Variants in CP observed in about 807,000 individuals in gnomAD.
CP encodes caeruloplasmin.
Under a neutral mutation model 122.4 loss-of-function variants are expected in CP, and 64 were observed. The observed-to-expected ratio is 0.52, with a 90% CI of 0.43 to 0.64. The LOEUF is 0.64. CP is among the 30% of genes least tolerant of loss of function. The pLI is 0.00. For missense variants in CP, 1,167 were observed against 1,284.4 expected, an observed-to-expected ratio of 0.91 and a Z score of 1.40; for synonymous variants, 440 against 436.4, an observed-to-expected ratio of 1.01 and a Z score of -0.10.
chr3:149,213,419 A>G (rs2108304091), intron 1 of CP, among the ~76,000 whole-genome samples: 1 of 152,346 alleles, frequency 6.6e-6, no homozygotes, highest in Admixed American at 6.5e-5. Flanking sequence ...GTAAATAGCA[A>G]TCTGGAAAAG....
intron 4 of CP, chr3:149,167,087 G>C (rs1308893916): frequency 6.2e-7 from 1 of 1,613,894 alleles, no homozygotes; most frequent in Non-Finnish European, 8.5e-7. Context: ...CGTTCTTGGA[G>C]CCACTTTCAG....
chr3:149,165,530 G>A (rs777530481), intron 5 of CP, among the ~76,000 whole-genome samples: 17 of 151,846 alleles, frequency 1.1e-4, no homozygotes, highest in Non-Finnish European at 1.5e-5. Context: ...CCAGATTGGA[G>A]TGCAGTGGCA....
At position 149,216,954 on chromosome 3, in the gene CP, G is replaced by A. The variant is rs578011306; in HGVS notation, c.147-4256C>T. Among the ~76,000 whole-genome samples, 123 of 140,686 alleles carry A rather than the reference G, an allele frequency of 8.7e-4. 1 individual carries two copies. The South Asian group carries it at 9.1e-3, about 10-fold the overall frequency. The allele number at this position is 140,686 out of a possible 152,430, so 92.3% of individuals were successfully genotyped here. A position where few individuals can be genotyped will look rare whatever the true frequency, so the allele number is the denominator to read the frequency against. The stretch of plus-strand genomic sequence containing the variant: ...CTTGCTCTGTCGCCCAGGCTATAAT[G>A]TAACGGCGTGATCTCGGCTCACTGC... On this transcript the variant is annotated intron_variant, in intron 1 of 18. Transcript: ENST00000264613.
At chr3:149,175,088 A>G (rs969582094) in intron 18 of CP, among the ~76,000 whole-genome samples, 3 of 152,108 alleles carry the variant, frequency 2.0e-5, no homozygotes, top group Non-Finnish European at 4.4e-5. Flanking sequence ...TGCACACATG[A>G]ATTCCCCAAA....
rs1235497636 is a variant in CP, at chr3:149,185,381, C to T, written c.2143G>A (p.Val715Met). Reference protein sequence around the residue: ...YTGGMKQKYTVNQCRRQSEDS... With the variant: ...YTGGMKQKYTMNQCRRQSEDS... ...TCAGACTGCCGCCTGCATTGGTTCA[C>T]AGTATATTTTTGCTTCATGCCGCCT... Residue 715 changes from valine to methionine, a missense_variant, in exon 12 of 19, where the codon GTG becomes ATG. By Grantham distance (21) the Val-to-Met change is conservative. Around this residue, in one of 2 missense-constraint regions of CP, gnomAD observed 525 missense variants for 657.2 expected, o/e 0.80. Coordinates refer to ENST00000264613, the MANE Select transcript of CP (RefSeq NM_000096.4). The T allele has an allele frequency of 6.2e-7, 1 of 1,613,972 alleles. No individual in the cohort carries two copies.
At chr3:149,166,670 G>A (rs1048437396) in intron 4 of CP, among the ~76,000 whole-genome samples, 5 of 151,986 alleles carry the variant, frequency 3.3e-5, no homozygotes, top group African/African-American at 9.7e-5. Context: ...TTTCAATATT[G>A]CGAATACTCT....
At chr3:149,184,672 T>C (rs949631243) in intron 12 of CP, among the ~76,000 whole-genome samples, 5 of 152,250 alleles carry the variant, frequency 3.3e-5, no homozygotes, top group Non-Finnish European at 4.4e-5. Context: ...CCTCTACTTA[T>C]ATCTATTCAT....
intron 6 of CP, among the ~76,000 whole-genome samples, 193 bp downstream of exon 6, chr3:149,205,975 T>A (rs1405795184): frequency 1.3e-5 from 2 of 152,236 alleles, no homozygotes; most frequent in East Asian, 3.8e-4. Context: ...TTTGAACCCA[T>A]CTTTTTTCAT....
At chr3:149,199,657 C>A (rs1727164120) in intron 8 of CP, 55 bp downstream of exon 8, 1 of 1,597,086 alleles carries the variant, frequency 6.3e-7, no homozygotes, top group South Asian at 1.1e-5. Context: ...TGTCAGTGAC[C>A]AGTACAGTGG....
At chr3:149,200,232 C>T (rs1310766034) in intron 7 of CP, among the ~76,000 whole-genome samples, 2 of 152,102 alleles carry the variant, frequency 1.3e-5, no homozygotes, top group Non-Finnish European at 2.9e-5. Context: ...ACTCTGACCA[C>T]CCAAAGCAGA....
intron 1 of CP, among the ~76,000 whole-genome samples, chr3:149,213,631 GGTGTGTGTGT>G (rs71135672): frequency 0.022 from 3,149 of 143,822 alleles, 52 homozygotes; most frequent in Non-Finnish European, 0.032. Context: ...CATCATCATG[GGTGTGTGTGT>G]GTGTGTGTGT....
intron 5 of CP, 144 bp downstream of exon 5, chr3:149,207,214 TATTAC>T: frequency 1.2e-6 from 1 of 856,330 alleles, no homozygotes; most frequent in Non-Finnish European, 1.8e-6. Flanking sequence ...AGTCTTTTTT[TATTAC>T]ATTATTATAT....
intron 7 of CP, among the ~76,000 whole-genome samples, chr3:149,201,799 T>A (rs1247412781): frequency 6.6e-6 from 1 of 151,788 alleles, no homozygotes; most frequent in Admixed American, 6.6e-5. Context: ...TTTCACCATG[T>A]TGTCCAAGCT....
intron 5 of CP, among the ~76,000 whole-genome samples, chr3:149,165,469 G>T (rs1724321096): frequency 7.0e-6 from 1 of 142,172 alleles, no homozygotes; most frequent in South Asian, 2.4e-4. Flanking sequence ...AACATAGTCT[G>T]CCTAAACTTT....
chr3:149,213,628 A>ATGGGTG (rs768945868), intron 1 of CP, among the ~76,000 whole-genome samples: 1 of 104,862 alleles, frequency 9.5e-6, no homozygotes, highest in Admixed American at 1.1e-4. Flanking sequence ...GCTCATCATC[A>ATGGGTG]TGGGTGTGTG....
chr3:149,210,706 A>T (rs758887465), intron 2 of CP, among the ~76,000 whole-genome samples: 1 of 152,176 alleles, frequency 6.6e-6, no homozygotes, highest in Non-Finnish European at 1.5e-5. Flanking sequence ...AACTTCTTAT[A>T]TGATCTCAGA....
intron 1 of CP, among the ~76,000 whole-genome samples, chr3:149,219,163 AG>A (rs1433208750): frequency 6.6e-6 from 1 of 152,240 alleles, no homozygotes; most frequent in African/African-American, 2.4e-5. Context: ...TCACAGAGAA[AG>A]CAGTCCCACC....
At chr3:149,167,720 A>AG (rs1724566221), downstream of CP, among the ~76,000 whole-genome samples, 1 of 152,208 alleles carries the variant, frequency 6.6e-6, no homozygotes, top group South Asian at 2.1e-4. Flanking sequence ...TTTACGTTAT[A>AG]GTTAAGGCAG....
At chr3:149,183,391 G>A (rs929173593) in intron 13 of CP, 75 bp downstream of exon 13, 1 of 1,486,918 alleles carries the variant, frequency 6.7e-7, no homozygotes, top group East Asian at 2.3e-5. Flanking sequence ...GAAACCCATA[G>A]ACATGAATTG....
Sources: allele counts gnomAD v4.1 joint callset (sites outside exome capture counted in the v4.1 genomes callset), GRCh38; gene constraint gnomAD v4.1.1; regional missense constraint gnomAD v4.1.1; transcripts MANE v1.5; gene names NCBI Gene and HGNC (gene_info 2026-07-23, HGNC 2026-07-21).